STK11: variants seen among roughly 807,000 people sequenced by gnomAD.
STK11 encodes the protein serine/threonine kinase 11.
Under a neutral mutation model 47.3 loss-of-function variants are expected in STK11, and 8 were observed. The observed-to-expected ratio is 0.17, with a 90% confidence interval of 0.10 to 0.31. The LOEUF is 0.31. STK11 is among the 10% of genes least tolerant of loss of function. STK11 has a pLI of 1.00. For missense variants in STK11, 475 were observed against 605.0 expected (o/e 0.79, Z 2.25); for synonymous variants, 330 against 255.8 (o/e 1.29, Z -2.77).
intron 5 of STK11, 73 bp downstream of exon 5, chr19:1,220,790 G>C: frequency 6.5e-7 from 1 of 1,533,476 alleles, no homozygotes; most frequent in East Asian, 2.3e-5. Flanking sequence ...GGCAGCTGCC[G>C]GCCTGTGGGC....
chr19:1,213,459 C>T (rs868510625), intron 1 of STK11, among the ~76,000 whole-genome samples: 11 of 152,356 alleles, frequency 7.2e-5, no homozygotes, highest in Middle Eastern at 6.8e-3. Flanking sequence ...CCGGCACCCA[C>T]GCATTCCCTT....
chr19:1,226,536 G>T lies in STK11; in HGVS notation c.1191G>T (p.Ala397=), dbSNP rs774759899. ...PKAVCMNGTE[A]AQLSTKSRAE... ...CCGTGTGTATGAACGGCACAGAGGC[G>T]GCGCAGCTGAGCACCAAATCCAGGG... Residue 397 remains alanine, a synonymous_variant, in exon 9 of 10, where the codon GCG becomes GCT. Coordinates refer to ENST00000326873, the MANE Select transcript of STK11 (RefSeq NM_000455.5). 2 of 1,606,144 alleles carry T rather than the reference G, an allele frequency of 1.2e-6. No homozygotes were observed. Among genetic ancestry groups the T allele is most frequent in the African/African-American group, 1.3e-5 (1 of 74,778 alleles).
In STK11 at chr19:1,222,099, G is replaced by C; in HGVS notation, c.920+93G>C. On this transcript the variant is annotated intron_variant, in intron 7 of 9. Transcript: ENST00000326873. ...GCGGGCGCTAGAGCAGGGCGTGGTGGGGGTGCCAGGCTGGGCTGGGGCCAG... is the reference window on the plus strand; with the variant it reads ...GCGGGCGCTAGAGCAGGGCGTGGTGCGGGTGCCAGGCTGGGCTGGGGCCAG... 2.8e-6 allele frequency: 4 copies of C among 1,441,742 alleles called. No individual in the cohort carries two copies. The Middle Eastern group carries it at 8.5e-4, about 305-fold the overall frequency. The allele number at this position is 1,441,742 out of a possible 1,614,324, so 89.3% of individuals were successfully genotyped here.
At chr19:1,222,144 G>C in intron 7 of STK11, 138 bp downstream of exon 7, 1 of 1,060,038 alleles carries the variant, frequency 9.4e-7, no homozygotes, top group South Asian at 1.4e-5. Flanking sequence ...AGCGCCCGCA[G>C]TTCTCGGGGC....
intron 1 of STK11, among the ~76,000 whole-genome samples, chr19:1,216,828 C>T (rs1021550063): frequency 1.4e-5 from 2 of 141,856 alleles, no homozygotes; most frequent in East Asian, 4.4e-4. Context: ...CAGGGAAACC[C>T]TGTCTCAAAA....
In STK11 at chr19:1,228,029, TTTG is replaced by T. The variant is rs369942515; in HGVS notation, c.*456_*458del. 3.8e-6 allele frequency: 4 copies of T among 1,066,536 alleles called. No homozygotes were observed. In the African/African-American group the frequency reaches 4.9e-5, roughly 13 times the overall value. The allele number at this position is 1,066,536 out of a possible 1,614,324, so 66.1% of individuals were successfully genotyped here. ...GGAAGCCGCGCGGCCGCTTTGGTTT[TTTG>T]TTTGGTTGGTTCCATTTTCTTTTTT... is the stretch of plus-strand genomic sequence containing the variant. On this transcript the variant is annotated 3_prime_UTR_variant, in exon 10 of 10. Transcript: ENST00000326873.
intron 1 of STK11, among the ~76,000 whole-genome samples, chr19:1,212,427 T>C (rs1338671176): frequency 6.6e-6 from 1 of 151,822 alleles, no homozygotes; most frequent in Non-Finnish European, 1.5e-5. Context: ...ACCCGACTAG[T>C]TTTTTGTAGA....
At chr19:1,221,419 T>TG (rs973977255) in intron 6 of STK11, 79 bp downstream of exon 6, 8 of 1,476,330 alleles carry the variant, frequency 5.4e-6, no homozygotes, top group Non-Finnish European at 6.3e-6. Context: ...GGGTGTCAGG[T>TG]GGGGGGCTAT....
At chr19:1,207,471 C>T (rs956526475) in intron 1 of STK11, among the ~76,000 whole-genome samples, 4 of 152,152 alleles carry the variant, frequency 2.6e-5, no homozygotes, top group Non-Finnish European at 5.9e-5. Flanking sequence ...GTAGCGAAAC[C>T]CTCCTGAGAA....
intron 1 of STK11, among the ~76,000 whole-genome samples, chr19:1,214,436 T>C (rs2080732014): frequency 6.6e-6 from 1 of 152,198 alleles, no homozygotes; most frequent in Admixed American, 6.5e-5. Context: ...GTCCTGCTGC[T>C]GTGAAGTGTC....
In STK11 at chr19:1,219,423, C is replaced by CGGGGCAG; in HGVS notation, c.464+14_464+20dup. On this transcript the variant is annotated intron_variant, in intron 3 of 9. Coordinates refer to ENST00000326873, the MANE Select transcript of STK11 (RefSeq NM_000455.5). The stretch of plus-strand genomic sequence containing the variant: ...TGTGCCAGGCCCACGGGTGCGTGCG[C>CGGGGCAG]GGGGCAGGGGCCAGGGTGGGGCGGG... 1 of 756,954 alleles carries CGGGGCAG rather than the reference C, an allele frequency of 1.3e-6. No homozygotes were observed. Among genetic ancestry groups the CGGGGCAG allele is most frequent in the Non-Finnish European group, 2.1e-6 (1 of 485,086 alleles). 46.9% of individuals were successfully genotyped at this position (756,954 alleles called of 1,614,324 possible).
chr19:1,220,766 G>GT (rs1568708559), intron 5 of STK11, 49 bp downstream of exon 5: 2 of 1,557,208 alleles, frequency 1.3e-6, no homozygotes, highest in East Asian at 4.6e-5. Context: ...ACTCCGAGGG[G>GT]CCTCTGCGTC....
chr19:1,206,344 C>T lies in STK11; in HGVS notation c.-570C>T. Reference sequence around the variant, plus strand: ...CCCCCCGGGAGGTCCGCTCGGTCGTCCGCGGCGGAGCGTTTGCTCCTGGGA... The same window carrying T: ...CCCCCCGGGAGGTCCGCTCGGTCGTTCGCGGCGGAGCGTTTGCTCCTGGGA... On this transcript the variant is annotated 5_prime_UTR_variant, in exon 1 of 10. Coordinates refer to ENST00000326873, the MANE Select transcript of STK11 (RefSeq NM_000455.5). 1 of 230,640 alleles carries T rather than the reference C, an allele frequency of 4.3e-6. No individual in the cohort carries two copies. Among genetic ancestry groups the T allele is most frequent in the Non-Finnish European group, 8.6e-6 (1 of 116,394 alleles). The allele number at this position is 230,640 out of a possible 1,614,324, so 14.3% of individuals were successfully genotyped here.
chr19:1,212,939 C>G (rs987838115), intron 1 of STK11, among the ~76,000 whole-genome samples: 5 of 151,520 alleles, frequency 3.3e-5, no homozygotes, highest in Admixed American at 2.0e-4. Context: ...TCTGGCCTCC[C>G]AAAGTGCTGG....
In STK11 at chr19:1,206,402, C is replaced by T. The variant is rs1220213783; in HGVS notation, c.-512C>T. ...TGGGACCGGGGCGTCGCCGGAGACG[C>T]CCCCAGCGAAGTTGGGCTCTCCAGG... On this transcript the variant is annotated 5_prime_UTR_variant, in exon 1 of 10. Coordinates refer to ENST00000326873, the MANE Select transcript of STK11 (RefSeq NM_000455.5). 1 of 233,496 alleles carries T rather than the reference C, an allele frequency of 4.3e-6. No homozygotes were observed. The highest frequency in any genetic ancestry group is 8.4e-6 in the Non-Finnish European group (1 of 118,388). 14.5% of individuals were successfully genotyped at this position (233,496 alleles called of 1,614,324 possible). A position where few individuals can be genotyped will look rare whatever the true frequency, so the allele number is the denominator to read the frequency against.
chr19:1,212,211 A>C (rs1216363880), intron 1 of STK11, among the ~76,000 whole-genome samples: 1 of 144,934 alleles, frequency 6.9e-6, no homozygotes, highest in African/African-American at 2.5e-5. Flanking sequence ...AGGCGGCTGG[A>C]CGGCCCGTAT....
intron 8 of STK11, 33 bp downstream of exon 8, chr19:1,223,205 C>A (rs1466130985): frequency 6.3e-7 from 1 of 1,590,886 alleles, no homozygotes; most frequent in East Asian, 2.3e-5. Flanking sequence ...CCCGGCTCTG[C>A]TGACTCGGCC....
Position 1,220,736 on chromosome 19 carries a change from C to CG in STK11, c.734+22dup, listed in dbSNP as rs1555738486. 2.5e-6 allele frequency: 4 copies of CG among 1,599,416 alleles called. No homozygotes were observed. The highest frequency in any genetic ancestry group is 2.6e-6 in the Non-Finnish European group (3 of 1,172,214). On this transcript the variant is annotated intron_variant, in intron 5 of 9. Transcript: ENST00000326873. The stretch of plus-strand genomic sequence containing the variant: ...TCACCCTGTAAGTGCCCCGCCCCCC[C>CG]GGGCACTCACCACACGCACACTCCG...
intron 1 of STK11, among the ~76,000 whole-genome samples, chr19:1,211,463 G>A: frequency 6.9e-6 from 1 of 144,422 alleles, no homozygotes; most frequent in Non-Finnish European, 1.5e-5. Context: ...GGGGTTCTGG[G>A]GGGGGGGGTG....
Sources: gnomAD v4.1 joint callset for allele counts (sites outside exome capture counted in the v4.1 genomes callset) on GRCh38, gnomAD v4.1.1 for gene constraint, MANE v1.5 for transcripts, NCBI Gene and HGNC (gene_info 2026-07-23, HGNC 2026-07-21) for gene names.